FOXP1: variants seen among roughly 807,000 people sequenced by gnomAD.
FOXP1 encodes forkhead box P1.
In FOXP1, 15 loss-of-function variants were observed where a neutral mutation model predicts 98.2. That is an observed-to-expected ratio of 0.15 (90% CI 0.10 to 0.24). The LOEUF (loss-of-function observed/expected upper bound fraction) is 0.24. Among genes scored for constraint, FOXP1 ranks in the 10% least tolerant of loss-of-function variants. The pLI, the probability that FOXP1 is intolerant of heterozygous loss-of-function variation, is 1.00. For synonymous variants in FOXP1, 371 were observed against 314.5 expected, an observed-to-expected ratio of 1.18 and a Z score of -1.90; for missense variants, 633 against 848.5, an observed-to-expected ratio of 0.75 and a Z score of 3.15.
At chr3:71,232,019 G>T (rs966224036) in intron 5 of FOXP1, among the ~76,000 whole-genome samples, 2 of 152,228 alleles carry the variant, frequency 1.3e-5, no homozygotes, top group African/African-American at 4.8e-5. Flanking sequence ...GCCTATTTCA[G>T]CATCGTCACC....
chr3:71,054,292 C>T (rs2050316809), intron 7 of FOXP1, among the ~76,000 whole-genome samples: 1 of 152,206 alleles, frequency 6.6e-6, no homozygotes, highest in South Asian at 2.1e-4. Flanking sequence ...ACAGACCCTT[C>T]GCATGATGCC....
chr3:71,188,497 C>A (rs2062782723), intron 6 of FOXP1, among the ~76,000 whole-genome samples: 2 of 151,882 alleles, frequency 1.3e-5, no homozygotes, highest in Non-Finnish European at 2.9e-5. Flanking sequence ...TCACTGCAAC[C>A]TCTGCCTCCC....
intron 3 of FOXP1, among the ~76,000 whole-genome samples, chr3:71,379,461 T>C (rs2079977029): frequency 6.6e-6 from 1 of 152,130 alleles, no homozygotes; most frequent in Non-Finnish European, 1.5e-5. Context: ...AGCTCAGTTA[T>C]CTTAGGTAGA....
chr3:70,995,732 G>A (rs764148725), intron 13 of FOXP1, among the ~76,000 whole-genome samples: 3 of 152,152 alleles, frequency 2.0e-5, no homozygotes, highest in Non-Finnish European at 2.9e-5. Context: ...AAAAGGCTCA[G>A]AAGGCCCACT....
intron 2 of FOXP1, among the ~76,000 whole-genome samples, chr3:71,534,258 G>A (rs1211963916): frequency 6.6e-6 from 1 of 152,194 alleles, no homozygotes; most frequent in Non-Finnish European, 1.5e-5. Context: ...AGCTACTCAG[G>A]AGGCCAAGGC....
intron 6 of FOXP1, among the ~76,000 whole-genome samples, chr3:71,145,045 G>T (rs948127551): frequency 6.6e-6 from 1 of 152,114 alleles, no homozygotes; most frequent in Non-Finnish European, 1.5e-5. Context: ...TCCATTGTAC[G>T]GAGGTGCCAC....
intron 6 of FOXP1, among the ~76,000 whole-genome samples, chr3:71,145,674 C>T (rs1246905743): frequency 6.6e-6 from 1 of 152,172 alleles, no homozygotes; most frequent in Non-Finnish European, 1.5e-5. Context: ...TTAGAATTAC[C>T]AGTAATTATT....
upstream of FOXP1, chr3:71,583,788 GGAGCCCA>G: frequency 8.1e-6 from 8 of 986,660 alleles, no homozygotes; most frequent in Non-Finnish European, 9.6e-6. Context: ...CTAGCTTCCC[GGAGCCCA>G]GCCAGCGCCG....
intron 11 of FOXP1, among the ~76,000 whole-genome samples, chr3:71,026,037 C>G (rs2046070329): frequency 6.6e-6 from 1 of 152,150 alleles, no homozygotes; most frequent in African/African-American, 2.4e-5. Flanking sequence ...TCCCTTCCCT[C>G]TGAAAAATGA....
intron 3 of FOXP1, among the ~76,000 whole-genome samples, chr3:71,385,099 A>G (rs1179893767): frequency 7.3e-6 from 1 of 137,694 alleles, no homozygotes; most frequent in African/African-American, 3.0e-5. Flanking sequence ...GGGCACGGGA[A>G]AAGGAAGTAA....
At chr3:71,382,617 G>T (rs533995805) in intron 3 of FOXP1, among the ~76,000 whole-genome samples, 1 of 152,264 alleles carries the variant, frequency 6.6e-6, no homozygotes, top group Admixed American at 6.5e-5. Flanking sequence ...CAGCTTGACA[G>T]TTGCTAGGAA....
chr3:71,558,880 G>A (rs887163858), intron 2 of FOXP1, among the ~76,000 whole-genome samples: 6 of 142,942 alleles, frequency 4.2e-5, no homozygotes, highest in Non-Finnish European at 7.5e-5. Context: ...TTGGCTCACT[G>A]CAACCTCTGC....
chr3:70,976,968 G>A lies in FOXP1; in HGVS notation c.1503C>T (p.Tyr501=), dbSNP rs1017812195. 1.2e-6 allele frequency: 2 copies of A among 1,614,110 alleles called. No homozygotes were observed. Among genetic ancestry groups the A allele is most frequent in the Non-Finnish European group, 1.7e-6 (2 of 1,179,928 alleles). ...TCCACGTGGCCGCGTTGCGTCGGAA[G>A]TAAGCAAACATTCGTGTGAACCAGT... ...IYNWFTRMFA[Y]FRRNAATWKN... Residue 501 remains tyrosine, a synonymous_variant, in exon 17 of 21, where the codon TAC becomes TAT. Coordinates refer to ENST00000649528, the MANE Select transcript of FOXP1 (RefSeq NM_001349338.3).
In FOXP1 at chr3:70,958,495, G is replaced by A. The variant is rs928668402; in HGVS notation, c.*752C>T. The A allele has an allele frequency of 1.8e-5, 7 of 383,908 alleles. No individual in the cohort carries two copies. Among genetic ancestry groups the A allele is most frequent in the South Asian group, 8.4e-5 (3 of 35,604 alleles). 23.8% of individuals were successfully genotyped at this position (383,908 alleles called of 1,614,324 possible). ...GAATGAGTGACAGAAAGCTACAAAC[G>A]AGAAATGACATTCAGCTTTGTATAA... On this transcript the variant is annotated 3_prime_UTR_variant, in exon 21 of 21. Coordinates refer to ENST00000649528, the MANE Select transcript of FOXP1 (RefSeq NM_001349338.3).
intron 5 of FOXP1, among the ~76,000 whole-genome samples, chr3:71,258,260 C>G (rs928675076): frequency 6.6e-6 from 1 of 152,032 alleles, no homozygotes; most frequent in African/African-American, 2.4e-5. Flanking sequence ...ATTGAAAAGG[C>G]TTCATAGAAG....
chr3:71,519,206 A>G (rs1467148556), intron 2 of FOXP1, among the ~76,000 whole-genome samples: 1 of 152,222 alleles, frequency 6.6e-6, no homozygotes, highest in East Asian at 1.9e-4. Flanking sequence ...AGATTGTGCC[A>G]CTGCACTCCA....
intron 2 of FOXP1, among the ~76,000 whole-genome samples, chr3:71,545,103 TTTA>T (rs201262111): frequency 1.5e-4 from 22 of 150,636 alleles, no homozygotes; most frequent in East Asian, 3.9e-4. Context: ...CAATTTTTTT[TTTA>T]TTAAAAATAA....
chr3:71,277,027 C>T (rs984522320), intron 5 of FOXP1, among the ~76,000 whole-genome samples: 5 of 149,532 alleles, frequency 3.3e-5, no homozygotes, highest in African/African-American at 7.4e-5. Flanking sequence ...GGTGCCATCT[C>T]GGCTCACTGC....
intron 3 of FOXP1, among the ~76,000 whole-genome samples, chr3:71,457,401 TCAAA>T (rs1287951131): frequency 2.0e-5 from 3 of 152,162 alleles, no homozygotes; most frequent in African/African-American, 7.2e-5. Flanking sequence ...TCATCAAAAA[TCAAA>T]CAAATCCTCT....
Sources: allele counts gnomAD v4.1 joint callset (sites outside exome capture counted in the v4.1 genomes callset), GRCh38; gene constraint gnomAD v4.1.1; transcripts MANE v1.5; gene names NCBI Gene and HGNC (gene_info 2026-07-23, HGNC 2026-07-21).